FNIP1: variants seen among roughly 807,000 people sequenced by gnomAD.
FNIP1 encodes the protein folliculin-interacting protein 1.
Under a neutral mutation model 124.5 loss-of-function variants are expected in FNIP1, and 40 were observed. The observed-to-expected ratio is 0.32, with a 90% confidence interval of 0.25 to 0.42. The LOEUF (loss-of-function observed/expected upper bound fraction) is 0.42, where lower values mean the gene tolerates loss of function less well. FNIP1 is among the 10% of genes least tolerant of loss of function. The pLI, the probability that FNIP1 is intolerant of heterozygous loss-of-function variation, is 1.00. For missense variants in FNIP1, 1,176 were observed against 1,403.7 expected, an observed-to-expected ratio of 0.84 and a Z score of 2.59; for synonymous variants, 472 against 470.6, an observed-to-expected ratio of 1.00 and a Z score of -0.04.
intron 1 of FNIP1, among the ~76,000 whole-genome samples, chr5:131,788,678 G>A: frequency 7.0e-6 from 1 of 143,252 alleles, no homozygotes; most frequent in Non-Finnish European, 1.5e-5. Flanking sequence ...TCCAGCCTAG[G>A]TGACAGACTC....
chr5:131,786,073 A>C (rs1355769014), intron 1 of FNIP1, among the ~76,000 whole-genome samples: 9 of 152,234 alleles, frequency 5.9e-5, no homozygotes, highest in Admixed American at 4.6e-4. Flanking sequence ...ATTTTCCTTT[A>C]AATTGATAAA....
intron 11 of FNIP1, among the ~76,000 whole-genome samples, chr5:131,680,075 C>T (rs577437111): frequency 6.6e-6 from 1 of 152,270 alleles, no homozygotes; most frequent in Non-Finnish European, 1.5e-5. Flanking sequence ...ATGGTAGCCA[C>T]TAGCTGTATG....
At chr5:131,661,839 A>G (rs1163098327) in intron 15 of FNIP1, among the ~76,000 whole-genome samples, 1 of 152,142 alleles carries the variant, frequency 6.6e-6, no homozygotes, top group East Asian at 1.9e-4. Context: ...TAGATAAGTG[A>G]ATGGTAAAAA....
At chr5:131,654,704 T>G (rs921607164) in intron 15 of FNIP1, among the ~76,000 whole-genome samples, 1 of 152,104 alleles carries the variant, frequency 6.6e-6, no homozygotes, top group East Asian at 1.9e-4. Flanking sequence ...GACTATGACA[T>G]TGAAGTGTAT....
chr5:131,783,308 G>T (rs137985897), intron 1 of FNIP1, among the ~76,000 whole-genome samples: 1 of 151,934 alleles, frequency 6.6e-6, no homozygotes, highest in Non-Finnish European at 1.5e-5. Context: ...AGAGAATTAT[G>T]AAAAGGAATA....
intron 1 of FNIP1, among the ~76,000 whole-genome samples, chr5:131,761,076 G>A (rs1771214570): frequency 6.6e-6 from 1 of 152,176 alleles, no homozygotes; most frequent in African/African-American, 2.4e-5. Context: ...AGTTTTCTGA[G>A]TTTTTAAAAA....
chr5:131,727,142 G>C (rs777719529), intron 3 of FNIP1, among the ~76,000 whole-genome samples: 2 of 152,180 alleles, frequency 1.3e-5, no homozygotes, highest in African/African-American at 2.4e-5. Context: ...GGGGTGGAGA[G>C]TTCTGCAGAT....
chr5:131,710,632 C>T lies in FNIP1; in HGVS notation c.652G>A (p.Ala218Thr). Residue 218 changes from alanine to threonine, a missense_variant, in exon 7 of 18, where the codon GCA (alanine) becomes ACA (threonine). Coordinates refer to ENST00000510461, the MANE Select transcript of FNIP1 (RefSeq NM_133372.3). ...CGGAGCGGACCCTGCTCAGAGAATG[C>T]CCGCCTGGGGCTGCAGAACTGTGAA... ...GLSQFCSPRR[A>T]FSEQGPLRLI... The T allele has an allele frequency of 6.2e-7, 1 of 1,613,840 alleles. No individual in the cohort carries two copies. Among genetic ancestry groups the T allele is most frequent in the Non-Finnish European group, 8.5e-7 (1 of 1,179,902 alleles).
intron 1 of FNIP1, chr5:131,795,497 C>T (rs1330017381): frequency 1.3e-5 from 2 of 152,136 alleles, no homozygotes; most frequent in African/African-American, 2.4e-5. Context: ...CCTATCGGAA[C>T]CTGTTTCCTA....
chr5:131,778,561 G>A (rs1373259037), intron 1 of FNIP1, among the ~76,000 whole-genome samples: 1 of 136,036 alleles, frequency 7.4e-6, no homozygotes, highest in East Asian at 2.1e-4. Flanking sequence ...CTGTAAACTA[G>A]TTCAACCATT....
rs113265811 is a variant in FNIP1 at position 131,686,938 on chromosome 5, C to A, written c.1203-7763G>T. Among the ~76,000 whole-genome samples the A allele has an allele frequency of 6.2e-3, 924 of 149,270 alleles. 6 individuals carry two copies. The highest frequency in any genetic ancestry group is 0.022 in the African/African-American group (876 of 40,458). Reference sequence around the variant, plus strand: ...AGATGCTAGCCCCATACCTACTAAACAAACTCTAAGAGTTTGGGAAACAGT... The same window carrying A: ...AGATGCTAGCCCCATACCTACTAAAAAAACTCTAAGAGTTTGGGAAACAGT... On this transcript the variant is annotated intron_variant, in intron 11 of 17. Coordinates refer to ENST00000510461, the MANE Select transcript of FNIP1 (RefSeq NM_133372.3).
intron 15 of FNIP1, among the ~76,000 whole-genome samples, chr5:131,662,346 T>C (rs1012579624): frequency 2.0e-5 from 3 of 152,200 alleles, no homozygotes; most frequent in South Asian, 2.1e-4. Context: ...TAAACTTTAA[T>C]AGGCTTCTTA....
chr5:131,645,436 G>C (rs558171226), intron 17 of FNIP1, among the ~76,000 whole-genome samples: 110 of 152,168 alleles, frequency 7.2e-4, no homozygotes, highest in African/African-American at 2.5e-3. Context: ...AAATTTATAG[G>C]AAAAGAAAAA....
At chr5:131,682,636 G>C (rs1768128645) in intron 11 of FNIP1, among the ~76,000 whole-genome samples, 1 of 151,606 alleles carries the variant, frequency 6.6e-6, no homozygotes, top group East Asian at 1.9e-4. Flanking sequence ...AGAATCACTT[G>C]AACCTGGGAG....
intron 1 of FNIP1, among the ~76,000 whole-genome samples, chr5:131,748,654 G>A (rs983654530): frequency 1.7e-4 from 22 of 128,598 alleles, no homozygotes; most frequent in African/African-American, 4.7e-4. Flanking sequence ...CCAAGATTGC[G>A]CCACTGCACT....
At position 131,644,549 on chromosome 5, in the gene FNIP1, T is replaced by C. The variant is rs1180424011; in HGVS notation, c.*136A>G. The C allele has an allele frequency of 4.4e-6, 3 of 685,452 alleles. No individual in the cohort carries two copies. Among genetic ancestry groups the C allele is most frequent in the Non-Finnish European group, 7.5e-6 (3 of 400,270 alleles). 42.5% of individuals were successfully genotyped at this position (685,452 alleles called of 1,614,324 possible). On this transcript the variant is annotated 3_prime_UTR_variant, in exon 18 of 18. Coordinates refer to ENST00000510461, the MANE Select transcript of FNIP1 (RefSeq NM_133372.3). ...CTGACATACACAGAATATACAATGC[T>C]ATGCAGAATACCCTGGTGACTGACT...
intron 1 of FNIP1, among the ~76,000 whole-genome samples, chr5:131,790,478 CAAAAAAA>C (rs56699008): frequency 3.5e-3 from 245 of 70,598 alleles, no homozygotes; most frequent in South Asian, 0.024. Flanking sequence ...GAACCTGTCT[CAAAAAAA>C]AAAAAAAAAA....
intron 11 of FNIP1, among the ~76,000 whole-genome samples, chr5:131,697,294 TTTA>T (rs1181463977): frequency 6.6e-6 from 1 of 152,100 alleles, no homozygotes; most frequent in African/African-American, 2.4e-5. Context: ...CAAATACACA[TTTA>T]TTATTATTTT....
intron 15 of FNIP1, among the ~76,000 whole-genome samples, chr5:131,654,283 A>AT (rs1183045039): frequency 6.6e-5 from 10 of 151,680 alleles, no homozygotes; most frequent in African/African-American, 1.7e-4. Flanking sequence ...AAAGGTAAGG[A>AT]TTTTTTTTTA....
Sources: gnomAD v4.1 joint callset for allele counts (sites outside exome capture counted in the v4.1 genomes callset) on GRCh38, gnomAD v4.1.1 for gene constraint, MANE v1.5 for transcripts, NCBI Gene and HGNC (gene_info 2026-07-23, HGNC 2026-07-21) for gene names.